Variants in CACNA1C observed in about 807,000 individuals in gnomAD.
CACNA1C encodes the protein calcium voltage-gated channel subunit alpha1 C.
In CACNA1C, 30 loss-of-function variants were observed where a neutral mutation model predicts 229.0. The observed-to-expected ratio is 0.13, with a 90% confidence interval of 0.10 to 0.18. The LOEUF (loss-of-function observed/expected upper bound fraction) is 0.18. CACNA1C is among the 10% of genes least tolerant of loss of function. The probability of loss-of-function intolerance (pLI) is 1.00; values close to 1 mark genes in which losing one functional copy is unlikely to be tolerated. For missense variants in CACNA1C, 1,658 were observed against 2,845.0 expected (o/e 0.58, Z 9.49); for synonymous variants, 1,114 against 1,132.5 (o/e 0.98, Z 0.33).
intron 3 of CACNA1C, among the ~76,000 whole-genome samples, chr12:2,444,207 C>T (rs2099255443): frequency 6.6e-6 from 1 of 152,236 alleles, no homozygotes; most frequent in Non-Finnish European, 1.5e-5. Flanking sequence ...ATGTGATGAA[C>T]AGACCTTTGG....
chr12:2,540,292 T>C (rs1303903286), intron 9 of CACNA1C, among the ~76,000 whole-genome samples: 1 of 152,034 alleles, frequency 6.6e-6, no homozygotes, highest in African/African-American at 2.4e-5. Context: ...TGAAGTGTTA[T>C]TCTAGGGAGA....
At chr12:2,413,070 T>C (rs2098826206) in intron 3 of CACNA1C, among the ~76,000 whole-genome samples, 1 of 152,328 alleles carries the variant, frequency 6.6e-6, no homozygotes, top group Admixed American at 6.5e-5. Context: ...CAGGCTGGAG[T>C]GCAGTGGCGT....
intron 43 of CACNA1C, 94 bp from the exon 44 acceptor site, chr12:2,685,642 G>A (rs955085607): frequency 2.3e-6 from 2 of 888,208 alleles, no homozygotes; most frequent in African/African-American, 1.6e-5. Flanking sequence ...CTTCACTAAG[G>A]ATCAGAGCAA....
At chr12:2,408,593 T>G (rs2154552806) in intron 3 of CACNA1C, among the ~76,000 whole-genome samples, 1 of 152,166 alleles carries the variant, frequency 6.6e-6, no homozygotes, top group African/African-American at 2.4e-5. Context: ...GGTTCCCTTC[T>G]GGTCTACTGC....
chr12:2,277,362 GACACACACACACACAC>G (rs59258094), intron 3 of CACNA1C, among the ~76,000 whole-genome samples: 1,979 of 72,010 alleles, frequency 0.027, 28 homozygotes, highest in African/African-American at 0.051. Flanking sequence ...CAGACAGACA[GACACACACACACACAC>G]ACACACACAC....
At chr12:2,080,605 A>AAAAAAAAAC (rs376249485) in intron 1 of CACNA1C, among the ~76,000 whole-genome samples, 6 of 147,634 alleles carry the variant, frequency 4.1e-5, no homozygotes, top group African/African-American at 1.0e-4. Context: ...TGTCTCAAAA[A>AAAAAAAAAC]AAAAAACAAA....
Position 2,677,934 on chromosome 12 carries a change from G to T in CACNA1C, c.5091+67G>T. ...AGTTTGGAGCAAGAGGTTGGGCTGG[G>T]GTTTTGCGGGGAACGTCCAGGGGAA... is the stretch of plus-strand genomic sequence containing the variant. On this transcript the variant is annotated intron_variant, in intron 41 of 46. Transcript: ENST00000399655. The surrounding 1 kb of genome is among the most constrained non-coding windows in gnomAD (Gnocchi z 7.4). 1 of 1,576,714 alleles carries T rather than the reference G, an allele frequency of 6.3e-7. No homozygotes were observed. Among genetic ancestry groups the T allele is most frequent in the Non-Finnish European group, 8.7e-7 (1 of 1,150,488 alleles).
intron 3 of CACNA1C, among the ~76,000 whole-genome samples, chr12:2,447,888 T>C (rs1328971099): frequency 6.6e-6 from 1 of 152,248 alleles, no homozygotes; most frequent in Non-Finnish European, 1.5e-5. Context: ...GAGTGCCCAC[T>C]TGGGGCTGTG....
chr12:2,569,576 T>A (rs1464798036), intron 13 of CACNA1C, among the ~76,000 whole-genome samples: 1 of 152,242 alleles, frequency 6.6e-6, no homozygotes, highest in Non-Finnish European at 1.5e-5. Flanking sequence ...CCTCTTTGAC[T>A]TAGAATAATG....
intron 10 of CACNA1C, among the ~76,000 whole-genome samples, chr12:2,555,739 C>T (rs1226756160): frequency 6.6e-6 from 1 of 152,224 alleles, no homozygotes; most frequent in Non-Finnish European, 1.5e-5. Context: ...CTCAGACTCG[C>T]AGTGCCCCAG....
chr12:2,300,232 G>A (rs2094446339), intron 3 of CACNA1C, among the ~76,000 whole-genome samples: 1 of 152,216 alleles, frequency 6.6e-6, no homozygotes, highest in African/African-American at 2.4e-5. Flanking sequence ...AAAACAGTGA[G>A]GTCCCGATTG....
In CACNA1C at chr12:2,449,107, G is replaced by C; in HGVS notation, c.609G>C (p.Val203=). The C allele has an allele frequency of 6.5e-7, 1 of 1,545,462 alleles. No homozygotes were observed. Among genetic ancestry groups the C allele is most frequent in the South Asian group, 1.2e-5 (1 of 81,054 alleles). Residue 203 remains valine, a synonymous_variant, in exon 4 of 47, where the codon GTG becomes GTC. Transcript: ENST00000399655. ...NGWNLLDFII[V]VVGLFSAILE... is the part of the protein sequence containing the mutation. ...GGAACCTACTAGATTTTATAATTGT[G>C]GTTGTGGGGTAAGTATCACTGTCTG...
At chr12:2,233,483 C>T (rs539727564) in intron 3 of CACNA1C, among the ~76,000 whole-genome samples, 1 of 152,088 alleles carries the variant, frequency 6.6e-6, no homozygotes, top group Non-Finnish European at 1.5e-5. Context: ...TTTCTTGGTT[C>T]TGTATATTAT....
chr12:2,548,251 G>A (rs2099885826), intron 9 of CACNA1C, among the ~76,000 whole-genome samples: 1 of 152,162 alleles, frequency 6.6e-6, no homozygotes, highest in Non-Finnish European at 1.5e-5. Context: ...AGACTATAAA[G>A]TGAGTGTAAT....
At chr12:2,325,430 C>T (rs1178288560) in intron 3 of CACNA1C, among the ~76,000 whole-genome samples, 1 of 152,218 alleles carries the variant, frequency 6.6e-6, no homozygotes, top group Non-Finnish European at 1.5e-5. Context: ...AAGTAAATGT[C>T]TAATAGTTGA....
At chr12:1,976,742 C>T (rs1193404611) in intron 1 of CACNA1C, among the ~76,000 whole-genome samples, 2 of 150,390 alleles carry the variant, frequency 1.3e-5, no homozygotes, top group East Asian at 3.9e-4. Flanking sequence ...TGCAAAATGT[C>T]ATGTATATAT....
At chr12:2,171,041 G>A (rs947700520) in intron 3 of CACNA1C, among the ~76,000 whole-genome samples, 1 of 152,242 alleles carries the variant, frequency 6.6e-6, no homozygotes, top group Non-Finnish European at 1.5e-5. Context: ...TTCCTTTACC[G>A]TGGATGGCTT....
At chr12:2,581,231 A>G (rs1049424569) in intron 13 of CACNA1C, among the ~76,000 whole-genome samples, 2 of 152,224 alleles carry the variant, frequency 1.3e-5, no homozygotes, top group African/African-American at 4.8e-5. Flanking sequence ...CAATCCTGCC[A>G]TAGCCTAATG....
At chr12:2,090,958 G>A (rs1189815063) in intron 1 of CACNA1C, among the ~76,000 whole-genome samples, 3 of 152,172 alleles carry the variant, frequency 2.0e-5, no homozygotes, top group Non-Finnish European at 4.4e-5. Flanking sequence ...ATAGCTCATG[G>A]TGGTTTGGAT....
Sources: gnomAD v4.1 joint callset for allele counts (sites outside exome capture counted in the v4.1 genomes callset) on GRCh38, gnomAD v4.1.1 for gene constraint, Gnocchi (gnomAD v3.1) non-coding constraint, MANE v1.5 for transcripts, NCBI Gene and HGNC (gene_info 2026-07-23, HGNC 2026-07-21) for gene names.